ATXN1: variants seen among roughly 807,000 people sequenced by gnomAD.
ATXN1 encodes the protein ataxin-1.
A neutral mutation model predicts 56.4 loss-of-function variants in ATXN1; 8 were observed. The ratio of observed to expected loss-of-function variants is 0.14; its 90% confidence interval spans 0.08 to 0.26. The LOEUF is 0.26. Among genes scored for constraint, ATXN1 ranks in the 10% least tolerant of loss-of-function variants. The pLI, the probability that ATXN1 is intolerant of heterozygous loss-of-function variation, is 1.00. For synonymous variants in ATXN1, 514 were observed against 494.6 expected (o/e 1.04, Z -0.52); for missense variants, 987 against 1,106.5 (o/e 0.89, Z 1.53).
At chr6:16,650,718 C>T (rs750097818) in intron 3 of ATXN1, among the ~76,000 whole-genome samples, 25 of 152,124 alleles carry the variant, frequency 1.6e-4, no homozygotes, top group Non-Finnish European at 2.4e-4. Flanking sequence ...TGGGTTTCGG[C>T]GAATCACAGG....
intron 6 of ATXN1, among the ~76,000 whole-genome samples, chr6:16,397,425 G>A (rs866589374): frequency 3.9e-5 from 6 of 152,060 alleles, no homozygotes; most frequent in South Asian, 2.1e-4. Context: ...CACCATGCCC[G>A]GCTAGTATTT....
intron 3 of ATXN1, among the ~76,000 whole-genome samples, chr6:16,600,044 GC>G (rs2113779354): frequency 6.6e-6 from 1 of 152,282 alleles, no homozygotes; most frequent in East Asian, 1.9e-4. Context: ...TTCTTACACA[GC>G]TGCCATTATA....
At chr6:16,632,985 A>G (rs1433785503) in intron 3 of ATXN1, among the ~76,000 whole-genome samples, 2 of 137,824 alleles carry the variant, frequency 1.5e-5, no homozygotes, top group African/African-American at 5.6e-5. Context: ...CAACAAGAGC[A>G]AAACTCCGCC....
intron 3 of ATXN1, among the ~76,000 whole-genome samples, chr6:16,589,795 A>AT (rs559646667): frequency 3.7e-3 from 563 of 152,346 alleles, no homozygotes; most frequent in South Asian, 0.013. Flanking sequence ...AGTATCTTTC[A>AT]TATTAAAGCA....
At chr6:16,729,799 C>T (rs2113482822) in intron 2 of ATXN1, among the ~76,000 whole-genome samples, 1 of 152,286 alleles carries the variant, frequency 6.6e-6, no homozygotes. Flanking sequence ...TCTGGCCCTC[C>T]CACCTGATTC....
At chr6:16,381,187 T>C (rs1020474470) in intron 6 of ATXN1, among the ~76,000 whole-genome samples, 2 of 151,914 alleles carry the variant, frequency 1.3e-5, no homozygotes, top group African/African-American at 4.8e-5. Flanking sequence ...CTCGGGAGAA[T>C]GAGGGAGGAG....
At chr6:16,566,791 G>A (rs758788621) in intron 4 of ATXN1, among the ~76,000 whole-genome samples, 28 of 151,528 alleles carry the variant, frequency 1.8e-4, no homozygotes, top group Non-Finnish European at 3.5e-4. Context: ...GGGAGGCAAA[G>A]GTTGCAGTGA....
intron 3 of ATXN1, among the ~76,000 whole-genome samples, chr6:16,651,067 A>G (rs1763883355): frequency 6.6e-6 from 1 of 152,250 alleles, no homozygotes; most frequent in South Asian, 2.1e-4. Context: ...GAGTAATTCA[A>G]TCAGACCCTT....
At chr6:16,550,030 G>A (rs1006165192) in intron 4 of ATXN1, among the ~76,000 whole-genome samples, 30 of 149,968 alleles carry the variant, frequency 2.0e-4, no homozygotes, top group African/African-American at 6.8e-4. Flanking sequence ...GTGGGGAGGG[G>A]AGGGAACCTA....
intron 2 of ATXN1, among the ~76,000 whole-genome samples, chr6:16,664,208 AC>A (rs779458918): frequency 8.5e-5 from 13 of 152,256 alleles, no homozygotes; most frequent in Admixed American, 4.6e-4. Context: ...CTTTAAAAAA[AC>A]ATATGCATTT....
chr6:16,420,908 G>GT (rs1231449987), intron 6 of ATXN1, among the ~76,000 whole-genome samples: 2 of 152,120 alleles, frequency 1.3e-5, no homozygotes, highest in Admixed American at 6.6e-5. Flanking sequence ...CTGAAAACAT[G>GT]TACGTAATCC....
chr6:16,522,327 C>T (rs1761308860), intron 5 of ATXN1, among the ~76,000 whole-genome samples: 1 of 152,102 alleles, frequency 6.6e-6, no homozygotes, highest in Non-Finnish European at 1.5e-5. Flanking sequence ...GCACCAGTTG[C>T]TGAGGGAAAG....
chr6:16,550,985 T>C (rs1432676315), intron 4 of ATXN1, among the ~76,000 whole-genome samples: 1 of 152,176 alleles, frequency 6.6e-6, no homozygotes, highest in Non-Finnish European at 1.5e-5. Flanking sequence ...AACTAATGAG[T>C]TGACAGTGGA....
intron 2 of ATXN1, among the ~76,000 whole-genome samples, chr6:16,720,364 T>C (rs1759722172): frequency 6.6e-6 from 1 of 152,252 alleles, no homozygotes; most frequent in East Asian, 1.9e-4. Context: ...GTCTCCACTA[T>C]GAGAACATAA....
chr6:16,711,246 C>T (rs1353001119), intron 2 of ATXN1, among the ~76,000 whole-genome samples: 1 of 152,134 alleles, frequency 6.6e-6, no homozygotes, highest in African/African-American at 2.4e-5. Context: ...GACCCCTACA[C>T]CTCATATCTT....
chr6:16,395,287 AAAAACAAGAAC>A (rs1393493718), intron 6 of ATXN1, among the ~76,000 whole-genome samples: 24 of 150,952 alleles, frequency 1.6e-4, no homozygotes, highest in African/African-American at 5.4e-4. Context: ...AAAAAAAAAA[AAAAACAAGAAC>A]AAAAACAAAA....
intron 6 of ATXN1, among the ~76,000 whole-genome samples, chr6:16,341,069 T>C (rs147151969): frequency 3.9e-5 from 6 of 152,312 alleles, no homozygotes; most frequent in Middle Eastern, 3.4e-3. Context: ...CTGAGTGAAA[T>C]TGACTTACTA....
intron 6 of ATXN1, among the ~76,000 whole-genome samples, chr6:16,367,712 A>T (rs574017741): frequency 7.2e-6 from 1 of 137,976 alleles, no homozygotes; most frequent in African/African-American, 3.4e-5. Context: ...GCCTTGCAAG[A>T]AGGTATGCCT....
At chr6:16,537,574 C>A (rs1761625714) in intron 4 of ATXN1, among the ~76,000 whole-genome samples, 1 of 151,852 alleles carries the variant, frequency 6.6e-6, no homozygotes, top group South Asian at 2.1e-4. Flanking sequence ...GACGTGGTGG[C>A]AGGTGCCTGT....
Sources: gnomAD v4.1 joint callset for allele counts (sites outside exome capture counted in the v4.1 genomes callset) on GRCh38, gnomAD v4.1.1 for gene constraint, MANE v1.5 for transcripts, NCBI Gene and HGNC (gene_info 2026-07-23, HGNC 2026-07-21) for gene names.